SCFD2: variants seen among roughly 807,000 people sequenced by gnomAD.
SCFD2 encodes the protein sec1 family domain-containing protein 2.
In SCFD2, 54 loss-of-function variants were observed where a neutral mutation model predicts 58.9. The observed-to-expected ratio is 0.92, with a 90% CI of 0.74 to 1.15. The LOEUF (loss-of-function observed/expected upper bound fraction) is 1.15. SCFD2 is among the 50% of genes most tolerant of loss of function. The pLI is 0.00. For synonymous variants in SCFD2, 321 were observed against 335.9 expected, an observed-to-expected ratio of 0.96 and a Z score of 0.49; for missense variants, 805 against 836.6, an observed-to-expected ratio of 0.96 and a Z score of 0.47.
At chr4:53,009,950 C>A (rs113179178) in intron 5 of SCFD2, among the ~76,000 whole-genome samples, 1 of 152,138 alleles carries the variant, frequency 6.6e-6, no homozygotes, top group Admixed American at 6.5e-5. Flanking sequence ...GCTGGCCTAC[C>A]GGAGCTCTGT....
At chr4:52,943,688 ACC>A (rs775664728) in intron 5 of SCFD2, among the ~76,000 whole-genome samples, 2 of 151,918 alleles carry the variant, frequency 1.3e-5, no homozygotes, top group Non-Finnish European at 2.9e-5. Context: ...CATCTTAAAG[ACC>A]CCACCCCTTA....
At chr4:53,273,071 C>T (rs565845477) in intron 4 of SCFD2, among the ~76,000 whole-genome samples, 120 of 151,990 alleles carry the variant, frequency 7.9e-4, no homozygotes, top group African/African-American at 2.7e-3. Flanking sequence ...TATATAGTAT[C>T]AAAAATGCTT....
At chr4:53,273,713 G>A in intron 4 of SCFD2, 113 bp downstream of exon 4, 1 of 936,182 alleles carries the variant, frequency 1.1e-6, no homozygotes, top group African/African-American at 1.7e-5. Flanking sequence ...TATGAAGCAG[G>A]GCACATGTCA....
chr4:53,035,199 A>AC (rs1722724296), intron 5 of SCFD2, among the ~76,000 whole-genome samples: 1 of 152,224 alleles, frequency 6.6e-6, no homozygotes, highest in Non-Finnish European at 1.5e-5. Flanking sequence ...TCTTTGACAA[A>AC]CCTGACACAA....
chr4:53,166,793 C>T (rs556141301), intron 4 of SCFD2, among the ~76,000 whole-genome samples: 1 of 144,886 alleles, frequency 6.9e-6, no homozygotes, highest in African/African-American at 2.5e-5. Context: ...AGAGATCATT[C>T]TGAGGATCAA....
At chr4:53,329,247 C>A (rs1025502516) in intron 2 of SCFD2, among the ~76,000 whole-genome samples, 15 of 152,338 alleles carry the variant, frequency 9.8e-5, no homozygotes, top group African/African-American at 2.9e-4. Flanking sequence ...CCCACCACAG[C>A]TCAAGGAGGC....
At chr4:53,124,151 G>A (rs1471428533) in intron 5 of SCFD2, among the ~76,000 whole-genome samples, 5 of 152,118 alleles carry the variant, frequency 3.3e-5, no homozygotes, top group Non-Finnish European at 5.9e-5. Flanking sequence ...CCCACAGGGT[G>A]GTTTGGTGCT....
At chr4:53,256,685 G>A (rs1343814701) in intron 4 of SCFD2, among the ~76,000 whole-genome samples, 1 of 152,028 alleles carries the variant, frequency 6.6e-6, no homozygotes, top group Non-Finnish European at 1.5e-5. Flanking sequence ...GACCAGCCTG[G>A]CCAACACAGC....
chr4:52,968,015 T>C (rs2109547913), intron 5 of SCFD2, among the ~76,000 whole-genome samples: 1 of 152,316 alleles, frequency 6.6e-6, no homozygotes, highest in South Asian at 2.1e-4. Context: ...TTTTATTTTA[T>C]CATCTGGAAG....
chr4:53,000,822 C>G (rs1342726530), intron 5 of SCFD2, among the ~76,000 whole-genome samples: 1 of 152,198 alleles, frequency 6.6e-6, no homozygotes, highest in Non-Finnish European at 1.5e-5. Flanking sequence ...TGACAGGAGG[C>G]AGAGCTCAGG....
At chr4:53,147,948 A>G (rs1393129290) in intron 4 of SCFD2, among the ~76,000 whole-genome samples, 1 of 152,182 alleles carries the variant, frequency 6.6e-6, no homozygotes, top group Non-Finnish European at 1.5e-5. Context: ...ATAAGCTGCC[A>G]AAAGTAATTT....
At chr4:53,146,649 C>T (rs1726339856) in intron 4 of SCFD2, among the ~76,000 whole-genome samples, 1 of 152,092 alleles carries the variant, frequency 6.6e-6, no homozygotes, top group Non-Finnish European at 1.5e-5. Flanking sequence ...AGAAGTAAAA[C>T]ATAAACAGCA....
intron 5 of SCFD2, among the ~76,000 whole-genome samples, chr4:53,061,332 G>T (rs866354299): frequency 2.5e-4 from 38 of 152,090 alleles, no homozygotes; most frequent in African/African-American, 8.7e-4. Flanking sequence ...TCACAACAAT[G>T]CTCGAGGATG....
chr4:52,939,823 TC>T (rs1441165443), intron 5 of SCFD2, among the ~76,000 whole-genome samples: 1 of 152,234 alleles, frequency 6.6e-6, no homozygotes, highest in Non-Finnish European at 1.5e-5. Flanking sequence ...CATCATCTCT[TC>T]CTGTCCAGAT....
intron 1 of SCFD2, among the ~76,000 whole-genome samples, chr4:53,360,513 C>A (rs1381240952): frequency 6.6e-6 from 1 of 152,198 alleles, no homozygotes; most frequent in Admixed American, 6.5e-5. Flanking sequence ...GTTCCATAAA[C>A]CAGTAGATAG....
chr4:53,238,046 CG>C (rs1338239371), intron 4 of SCFD2, among the ~76,000 whole-genome samples: 4 of 135,448 alleles, frequency 3.0e-5, no homozygotes, highest in South Asian at 2.4e-4. Context: ...GCTGGCCGGG[CG>C]GGGGGCTGAC....
chr4:53,192,588 C>T (rs1354716637), intron 4 of SCFD2, among the ~76,000 whole-genome samples: 13 of 152,192 alleles, frequency 8.5e-5, no homozygotes, highest in Middle Eastern at 3.4e-3. Context: ...TAAATGGCAA[C>T]GATACAAAAG....
chr4:53,285,344 T>G (rs1468964388), intron 3 of SCFD2, among the ~76,000 whole-genome samples: 1 of 152,080 alleles, frequency 6.6e-6, no homozygotes, highest in Non-Finnish European at 1.5e-5. Flanking sequence ...GAAACCACTT[T>G]CTTGGTGGAT....
chr4:53,194,802 C>T (rs750741281), intron 4 of SCFD2, among the ~76,000 whole-genome samples: 1 of 152,132 alleles, frequency 6.6e-6, no homozygotes, highest in East Asian at 1.9e-4. Context: ...CCCTATATCC[C>T]TTCTGTCTCC....
Sources: allele counts gnomAD v4.1 joint callset (sites outside exome capture counted in the v4.1 genomes callset), GRCh38; gene constraint gnomAD v4.1.1; transcripts MANE v1.5; gene names NCBI Gene and HGNC (gene_info 2026-07-23, HGNC 2026-07-21).